PAX3: variants seen among roughly 807,000 people sequenced by gnomAD.
PAX3 encodes paired box 3.
A neutral mutation model predicts 51.6 loss-of-function variants in PAX3; 14 were observed. The ratio of observed to expected loss-of-function variants is 0.27; its 90% CI spans 0.18 to 0.42. The LOEUF is 0.42. Among genes scored for constraint, PAX3 ranks in the 10% least tolerant of loss-of-function variants. The probability of loss-of-function intolerance (pLI) is 1.00; values close to 1 mark genes in which losing one functional copy is unlikely to be tolerated. For synonymous variants in PAX3, 280 were observed against 253.4 expected, an observed-to-expected ratio of 1.11 and a Z score of -1.00; for missense variants, 540 against 642.8, an observed-to-expected ratio of 0.84 and a Z score of 1.73.
At chr2:222,244,370 A>G (rs963995879) in intron 4 of PAX3, among the ~76,000 whole-genome samples, 2 of 152,310 alleles carry the variant, frequency 1.3e-5, no homozygotes, top group South Asian at 2.1e-4. Context: ...GGACAAGCTT[A>G]TTAACCCTCT....
In PAX3 at chr2:222,287,020, G is replaced by C. The variant is rs370792144; in HGVS notation, c.586+7147C>G. ...ATATACATATTCTCTTCATTTTGGA[G>C]CATGATCTCAGCTTAGATAATTTGA... On this transcript the variant is annotated intron_variant, in intron 4 of 8. Transcript: ENST00000392070. Among the ~76,000 whole-genome samples the C allele has an allele frequency of 2.0e-4, 30 of 152,338 alleles. No homozygotes were observed. In the South Asian group the frequency reaches 6.0e-3, roughly 31 times the overall value.
rs72962697 is a variant in PAX3, at chr2:222,289,240, C to G, written c.586+4927G>C. On this transcript the variant is annotated intron_variant, in intron 4 of 8. Transcript: ENST00000392070. ...TCTGTTCCAGCCCAAGCCAAACTCT[C>G]ATTTCTCACCGTTTGTTTGTTGTTA... 2.0e-5 allele frequency among the ~76,000 whole-genome samples: 3 copies of G among 152,270 alleles called. 1 individual carries two copies. The South Asian group carries it at 6.2e-4, about 32-fold the overall frequency.
intron 4 of PAX3, among the ~76,000 whole-genome samples, chr2:222,241,101 C>G (rs1692997249): frequency 6.6e-6 from 1 of 152,142 alleles, no homozygotes; most frequent in African/African-American, 2.4e-5. Context: ...CAGTAAGGCT[C>G]CATGTCTCTA....
intron 4 of PAX3, among the ~76,000 whole-genome samples, chr2:222,239,025 G>A (rs1004913276): frequency 5.9e-5 from 9 of 152,314 alleles, no homozygotes; most frequent in East Asian, 1.9e-4. Flanking sequence ...GACCTCTCTC[G>A]TGTTTACTCG....
intron 4 of PAX3, among the ~76,000 whole-genome samples, chr2:222,257,039 C>G (rs565431160): frequency 5.9e-4 from 90 of 152,332 alleles, no homozygotes; most frequent in Non-Finnish European, 1.2e-3. Context: ...CACACACAGA[C>G]ACACCACACC....
At chr2:222,282,217 G>C (rs1357202811) in intron 4 of PAX3, among the ~76,000 whole-genome samples, 1 of 152,122 alleles carries the variant, frequency 6.6e-6, no homozygotes, top group Non-Finnish European at 1.5e-5. Flanking sequence ...GGAGGGTTTT[G>C]AGGGGGTTGT....
At chr2:222,228,471 A>G (rs998994409) in intron 5 of PAX3, among the ~76,000 whole-genome samples, 4 of 152,224 alleles carry the variant, frequency 2.6e-5, no homozygotes, top group Non-Finnish European at 4.4e-5. Flanking sequence ...TACAAGCTAC[A>G]TGGGTTTGAA....
At chr2:222,294,547 CG>C (rs2106197650) in intron 3 of PAX3, among the ~76,000 whole-genome samples, 1 of 152,110 alleles carries the variant, frequency 6.6e-6, no homozygotes, top group South Asian at 2.1e-4. Context: ...CTGGGAAAAC[CG>C]TGCCTCCAAG....
At chr2:222,241,822 CAATT>C (rs1338229467) in intron 4 of PAX3, among the ~76,000 whole-genome samples, 1 of 152,178 alleles carries the variant, frequency 6.6e-6, no homozygotes, top group African/African-American at 2.4e-5. Flanking sequence ...TAATCTCTCA[CAATT>C]AAATATGCAT....
At chr2:222,220,012 A>C in intron 7 of PAX3, 128 bp downstream of exon 7, 1 of 818,552 alleles carries the variant, frequency 1.2e-6, no homozygotes, top group Non-Finnish European at 2.0e-6. Flanking sequence ...AGAAAACTGA[A>C]ATCATGTGGC....
chr2:222,230,319 A>G (rs1164051695), intron 5 of PAX3, among the ~76,000 whole-genome samples: 2 of 150,474 alleles, frequency 1.3e-5, no homozygotes, highest in African/African-American at 4.9e-5. Flanking sequence ...GGAACAGAAA[A>G]CCAAACACTG....
At chr2:222,215,558 T>C (rs565341785) in intron 7 of PAX3, among the ~76,000 whole-genome samples, 1 of 152,100 alleles carries the variant, frequency 6.6e-6, no homozygotes, top group South Asian at 2.1e-4. Flanking sequence ...GGTTTGGCTA[T>C]GTGTGTCTTG....
intron 4 of PAX3, among the ~76,000 whole-genome samples, chr2:222,257,260 T>C (rs1251905097): frequency 2.0e-5 from 3 of 152,176 alleles, no homozygotes; most frequent in Non-Finnish European, 4.4e-5. Context: ...TCACTTACTA[T>C]TGAAATTTAC....
chr2:222,255,196 T>A (rs12619478), intron 4 of PAX3, among the ~76,000 whole-genome samples: 1 of 152,138 alleles, frequency 6.6e-6, no homozygotes. Context: ...GTGGGGAAGA[T>A]AATGTGCAGC....
intron 7 of PAX3, among the ~76,000 whole-genome samples, chr2:222,203,387 A>T (rs553767724): frequency 3.1e-4 from 47 of 152,218 alleles, no homozygotes; most frequent in African/African-American, 1.1e-3. Context: ...CCCCCCGAAG[A>T]CACATCTACT....
chr2:222,210,852 A>G (rs1691697841), intron 7 of PAX3, among the ~76,000 whole-genome samples: 1 of 152,040 alleles, frequency 6.6e-6, no homozygotes, highest in Non-Finnish European at 1.5e-5. Flanking sequence ...GCAAAAGTAT[A>G]TTTTTGTCAG....
chr2:222,293,914 A>G, intron 4 of PAX3: 1 of 1,533,484 alleles, frequency 6.5e-7, no homozygotes, highest in Admixed American at 2.1e-5. Flanking sequence ...CAGTTCTAGA[A>G]TCCCAGGGGC....
intron 4 of PAX3, among the ~76,000 whole-genome samples, chr2:222,288,586 T>A (rs1479552014): frequency 6.6e-6 from 1 of 152,214 alleles, no homozygotes; most frequent in Non-Finnish European, 1.5e-5. Flanking sequence ...TGGAAGACAA[T>A]TTTAGGGAAA....
intron 4 of PAX3, chr2:222,287,450 C>A (rs1002863053): frequency 6.6e-6 from 1 of 152,164 alleles, no homozygotes; most frequent in Non-Finnish European, 1.5e-5. Context: ...CTTGGGTCAG[C>A]AATTTTGAGT....
Sources: gnomAD v4.1 joint callset for allele counts (sites outside exome capture counted in the v4.1 genomes callset) on GRCh38, gnomAD v4.1.1 for gene constraint, MANE v1.5 for transcripts, NCBI Gene and HGNC (gene_info 2026-07-23, HGNC 2026-07-21) for gene names.